RARB: variants seen among roughly 807,000 people sequenced by gnomAD.
The protein encoded by RARB is HBV-activated protein.
RARB carries 17 observed loss-of-function variants against 51.9 expected under a neutral mutation model. The ratio of observed to expected loss-of-function variants is 0.33; its 90% CI spans 0.22 to 0.49. The LOEUF is 0.49. Ranked by LOEUF, RARB falls within the 20% of genes least tolerant of loss-of-function variation. The probability of loss-of-function intolerance (pLI) is 0.99; values close to 1 mark genes in which losing one functional copy is unlikely to be tolerated. For missense variants in RARB, 369 were observed against 550.8 expected (o/e 0.67, Z 3.30); for synonymous variants, 215 against 195.4 (o/e 1.10, Z -0.84).
chr3:24,940,589 T>C (rs1695643472), intron 2 of RARB, among the ~76,000 whole-genome samples: 1 of 152,180 alleles, frequency 6.6e-6, no homozygotes, highest in South Asian at 2.1e-4. Flanking sequence ...TGCATCTCTA[T>C]GGCAGTACTC....
At chr3:25,141,358 T>A (rs1700103964) in intron 4 of RARB, among the ~76,000 whole-genome samples, 1 of 152,090 alleles carries the variant, frequency 6.6e-6, no homozygotes, top group Admixed American at 6.6e-5. Context: ...CTTTGATTTG[T>A]TTTTAGCTTA....
At chr3:24,852,860 G>T (rs1383352845) in intron 1 of RARB, among the ~76,000 whole-genome samples, 1 of 152,104 alleles carries the variant, frequency 6.6e-6, no homozygotes, top group Non-Finnish European at 1.5e-5. Context: ...CTACAAATTG[G>T]CCCAGGGTTA....
chr3:25,228,634 C>T (rs1449043863), intron 5 of RARB, among the ~76,000 whole-genome samples: 1 of 151,862 alleles, frequency 6.6e-6, no homozygotes, highest in African/African-American at 2.4e-5. Flanking sequence ...TACTGATTGC[C>T]TTAACTTTTT....
At chr3:25,007,592 C>CAAAAAAAAGAAAAAAAAAA (rs1697299482) in intron 2 of RARB, among the ~76,000 whole-genome samples, 1 of 45,418 alleles carries the variant, frequency 2.2e-5, no homozygotes, top group Non-Finnish European at 3.7e-5. Flanking sequence ...GAGACTGTCT[C>CAAAAAAAAGAAAAAAAAAA]AAAAAAAAAA....
At chr3:24,876,870 T>C (rs766352722) in intron 2 of RARB, among the ~76,000 whole-genome samples, 4 of 152,180 alleles carry the variant, frequency 2.6e-5, no homozygotes, top group Non-Finnish European at 5.9e-5. Flanking sequence ...ATGGATGCAA[T>C]GTCCTTCCCA....
intron 2 of RARB, among the ~76,000 whole-genome samples, chr3:25,472,594 A>G (rs2125570586): frequency 6.6e-6 from 1 of 152,286 alleles, no homozygotes; most frequent in Middle Eastern, 3.4e-3. Flanking sequence ...CTAAGAATTT[A>G]TGAGAGCAGA....
At chr3:25,196,148 G>A (rs1467229585) in intron 5 of RARB, among the ~76,000 whole-genome samples, 3 of 151,880 alleles carry the variant, frequency 2.0e-5, no homozygotes, top group Non-Finnish European at 2.9e-5. Context: ...GTATACATGT[G>A]CCATGTTGGT....
chr3:25,146,564 A>G (rs994673790), intron 4 of RARB, among the ~76,000 whole-genome samples: 23 of 142,264 alleles, frequency 1.6e-4, no homozygotes, highest in South Asian at 4.3e-4. Flanking sequence ...CTGGAGTGCA[A>G]TGGCGCGATC....
chr3:25,519,654 T>C (rs544197789), intron 3 of RARB, among the ~76,000 whole-genome samples: 3 of 152,330 alleles, frequency 2.0e-5, no homozygotes, highest in South Asian at 2.1e-4. Flanking sequence ...TCAAAAGTTA[T>C]TGCCACGTTT....
intron 5 of RARB, among the ~76,000 whole-genome samples, chr3:25,374,468 T>C (rs1363637242): frequency 6.6e-6 from 1 of 152,056 alleles, no homozygotes; most frequent in African/African-American, 2.4e-5. Context: ...CATGCCTAGC[T>C]TGAAGGGTGA....
At chr3:25,034,391 GA>G (rs1174905740) in intron 2 of RARB, among the ~76,000 whole-genome samples, 13 of 152,192 alleles carry the variant, frequency 8.5e-5, no homozygotes, top group African/African-American at 3.1e-4. Context: ...TGACTTAAAG[GA>G]TGTTTCTCCA....
intron 1 of RARB, among the ~76,000 whole-genome samples, chr3:24,834,087 G>T (rs983813263): frequency 1.3e-5 from 2 of 152,200 alleles, no homozygotes; most frequent in Non-Finnish European, 2.9e-5. Context: ...TTAAGAAAGA[G>T]CTTATACCTT....
chr3:24,955,798 C>T (rs1033377728), intron 2 of RARB, among the ~76,000 whole-genome samples: 3 of 151,808 alleles, frequency 2.0e-5, no homozygotes, highest in African/African-American at 4.8e-5. Flanking sequence ...TTAGGGAAGG[C>T]GGGGAGTGGA....
At chr3:25,310,769 C>T (rs899806725) in intron 5 of RARB, among the ~76,000 whole-genome samples, 1 of 152,172 alleles carries the variant, frequency 6.6e-6, no homozygotes, top group Non-Finnish European at 1.5e-5. Context: ...GGTTGTTCAA[C>T]AGCTCCTTGA....
At chr3:25,466,809 T>C (rs1042303767) in intron 2 of RARB, among the ~76,000 whole-genome samples, 9 of 152,240 alleles carry the variant, frequency 5.9e-5, no homozygotes, top group Admixed American at 3.9e-4. Context: ...TGAAAGGTGC[T>C]GTAGATAATA....
At chr3:24,863,952 G>A (rs765221607) in intron 2 of RARB, among the ~76,000 whole-genome samples, 49 of 151,878 alleles carry the variant, frequency 3.2e-4, no homozygotes, top group Non-Finnish European at 6.2e-4. Flanking sequence ...GGCTCTTGGC[G>A]CCACCCTATC....
intron 2 of RARB, among the ~76,000 whole-genome samples, chr3:25,496,446 C>A (rs978598792): frequency 6.6e-6 from 1 of 152,122 alleles, no homozygotes; most frequent in Non-Finnish European, 1.5e-5. Context: ...AGGAACCAGC[C>A]TTTATACCTA....
intron 3 of RARB, among the ~76,000 whole-genome samples, chr3:25,129,632 C>T (rs1159695123): frequency 1.3e-5 from 2 of 151,994 alleles, no homozygotes; most frequent in African/African-American, 4.8e-5. Context: ...TCATCTCTAT[C>T]ATCTGATTGG....
At chr3:25,337,066 G>T (rs1705084645) in intron 5 of RARB, among the ~76,000 whole-genome samples, 1 of 152,152 alleles carries the variant, frequency 6.6e-6, no homozygotes, top group Non-Finnish European at 1.5e-5. Flanking sequence ...AACTCCATTA[G>T]ATCTCAGCAT....
Sources: allele counts gnomAD v4.1 joint callset (sites outside exome capture counted in the v4.1 genomes callset), GRCh38; gene constraint gnomAD v4.1.1; transcripts MANE v1.5; gene names NCBI Gene and HGNC (gene_info 2026-07-23, HGNC 2026-07-21).